Variants in PBX1 observed in about 807,000 individuals in gnomAD.
PBX1 encodes the protein PBX homeobox 1, also known as pre-B-cell leukemia transcription factor 1.
In PBX1, 6 loss-of-function variants were observed where a neutral mutation model predicts 53.4. The observed-to-expected ratio is 0.11, with a 90% CI of 0.06 to 0.22. The LOEUF is 0.22. PBX1 is among the 10% of genes least tolerant of loss of function. PBX1 has a pLI of 1.00. For synonymous variants in PBX1, 204 were observed against 212.3 expected, an observed-to-expected ratio of 0.96 and a Z score of 0.34; for missense variants, 251 against 551.4, an observed-to-expected ratio of 0.46 and a Z score of 5.46.
In PBX1 at chr1:164,792,621, A is replaced by AGCG. The variant is rs774278800; in HGVS notation, c.402_404dup (p.Ala135dup). 4.0e-5 allele frequency: 64 copies of AGCG among 1,613,632 alleles called. No homozygotes were observed. The highest frequency in any genetic ancestry group is 3.3e-4 in the Middle Eastern group (2 of 6,050). ...GCGGAGGGTCGGCGGCAGCGGCGGC[A>AGCG]GCGGCGGCGGCTTCTGGAGGGGCAG... On this transcript the variant is annotated inframe_insertion, in exon 3 of 9. Coordinates refer to ENST00000420696, the MANE Select transcript of PBX1 (RefSeq NM_002585.4).
chr1:164,623,272 G>T (rs528702473), intron 2 of PBX1, among the ~76,000 whole-genome samples: 2 of 152,304 alleles, frequency 1.3e-5, no homozygotes, highest in Middle Eastern at 3.4e-3. Flanking sequence ...TGTTAATAAA[G>T]GGCCTGATAG....
chr1:164,857,955 C>T (rs1672012871), intron 2 of PBX1, among the ~76,000 whole-genome samples: 1 of 152,180 alleles, frequency 6.6e-6, no homozygotes, highest in Non-Finnish European at 1.5e-5. Context: ...AGTGTGATTT[C>T]TCTAACATAT....
rs548884046 is a variant in PBX1, at chr1:164,847,291, G to C, written c.*615G>C. The C allele has an allele frequency of 5.7e-5, 61 of 1,065,530 alleles. No homozygotes were observed. In the African/African-American group the frequency reaches 9.5e-4, roughly 17 times the overall value. 66.0% of individuals were successfully genotyped at this position (1,065,530 alleles called of 1,614,324 possible). A position where few individuals can be genotyped will look rare whatever the true frequency, so the allele number is the denominator to read the frequency against. The stretch of plus-strand genomic sequence containing the variant: ...TTCCTCCTCTTCCTTCCTAGCCCCA[G>C]CTATTCACTGGGGACTGTCATAGCT... On this transcript the variant is annotated 3_prime_UTR_variant, in exon 9 of 9. Transcript: ENST00000420696.
Position 164,810,593 on chromosome 1 carries a change from C to T in PBX1, c.838-1397C>T, listed in dbSNP as rs534020960. On this transcript the variant is annotated intron_variant, in intron 5 of 8. Coordinates refer to ENST00000420696, the MANE Select transcript of PBX1 (RefSeq NM_002585.4). Reference sequence around the variant, plus strand: ...TGCAGTTATCTGAGAAAAAAAATCTCCTTACCTTTTTTCTTCTTTTCCTAT... The same window carrying T: ...TGCAGTTATCTGAGAAAAAAAATCTTCTTACCTTTTTTCTTCTTTTCCTAT... Among the ~76,000 whole-genome samples, 5 of 152,230 alleles carry T rather than the reference C, an allele frequency of 3.3e-5. No homozygotes were observed. In the East Asian group the frequency reaches 9.7e-4, roughly 29 times the overall value.
intron 2 of PBX1, among the ~76,000 whole-genome samples, chr1:164,713,895 A>T (rs936420607): frequency 6.6e-6 from 1 of 152,224 alleles, no homozygotes; most frequent in African/African-American, 2.4e-5. Flanking sequence ...GGAAGGGAAA[A>T]ATTAAATATA....
intron 2 of PBX1, among the ~76,000 whole-genome samples, chr1:164,736,044 C>T (rs1386333162): frequency 6.6e-6 from 1 of 152,212 alleles, no homozygotes; most frequent in South Asian, 2.1e-4. Flanking sequence ...GAATATCCTG[C>T]AAGTCAAAAC....
chr1:164,712,695 CA>C (rs1663866139), intron 2 of PBX1, among the ~76,000 whole-genome samples: 1 of 152,138 alleles, frequency 6.6e-6, no homozygotes, highest in Non-Finnish European at 1.5e-5. Context: ...GGGCTCCCTT[CA>C]AATGAGGGAA....
chr1:164,579,021 G>A (rs1352898170), intron 2 of PBX1, among the ~76,000 whole-genome samples: 1 of 145,236 alleles, frequency 6.9e-6, no homozygotes, highest in African/African-American at 2.5e-5. Flanking sequence ...TCCGTGGGAT[G>A]GCTGAAATTT....
intron 2 of PBX1, among the ~76,000 whole-genome samples, chr1:164,742,456 T>G (rs886571504): frequency 1.3e-5 from 2 of 152,046 alleles, no homozygotes; most frequent in Non-Finnish European, 2.9e-5. Flanking sequence ...GCAGGAGAAT[T>G]GCTTGAACCT....
rs1671710386 is a variant in PBX1 at position 164,849,203 on chromosome 1, T to C, written c.*2527T>C. ...CCAGATGTGGCCTGAATAATTGCCA[T>C]GTTAAGTTAATGCAAAAGATCAGAA... On this transcript the variant is annotated 3_prime_UTR_variant, in exon 9 of 9. Coordinates refer to ENST00000420696, the MANE Select transcript of PBX1 (RefSeq NM_002585.4). The C allele has an allele frequency of 6.9e-7, 1 of 1,444,790 alleles. No individual in the cohort carries two copies. The highest frequency in any genetic ancestry group is 9.1e-7 in the Non-Finnish European group (1 of 1,096,738). The allele number at this position is 1,444,790 out of a possible 1,614,324, so 89.5% of individuals were successfully genotyped here.
chr1:164,678,892 G>A (rs1661589685), intron 2 of PBX1, among the ~76,000 whole-genome samples: 1 of 152,104 alleles, frequency 6.6e-6, no homozygotes, highest in African/African-American at 2.4e-5. Flanking sequence ...GACCTGTGTG[G>A]AGGTGCAAGA....
At chr1:164,793,872 C>CTTTTTTTTTTTTTTTTTT (rs72414989) in intron 3 of PBX1, among the ~76,000 whole-genome samples, 8 of 78,218 alleles carry the variant, frequency 1.0e-4, no homozygotes, top group Non-Finnish European at 1.5e-4. Context: ...TTTTTCCTTT[C>CTTTTTTTTTTTTTTTTTT]TTTTTTTTTT....
chr1:164,820,220 C>A, intron 7 of PBX1, 36 bp downstream of exon 7: 1 of 1,174,174 alleles, frequency 8.5e-7, no homozygotes, highest in Non-Finnish European at 1.3e-6. Flanking sequence ...AGGTGAATGC[C>A]TTAGAGTCCA....
chr1:164,838,926 T>A (rs976748012), intron 8 of PBX1, among the ~76,000 whole-genome samples: 10 of 152,220 alleles, frequency 6.6e-5, no homozygotes, highest in Admixed American at 6.5e-5. Flanking sequence ...AATGGCTTGT[T>A]GTTGAATGAT....
intron 2 of PBX1, among the ~76,000 whole-genome samples, chr1:164,608,980 A>G (rs1656730340): frequency 6.6e-6 from 1 of 152,150 alleles, no homozygotes; most frequent in Non-Finnish European, 1.5e-5. Flanking sequence ...CTGAAATATA[A>G]AACATCTGCT....
intron 2 of PBX1, among the ~76,000 whole-genome samples, chr1:164,611,441 T>C (rs1656919517): frequency 6.6e-6 from 1 of 152,096 alleles, no homozygotes. Flanking sequence ...GGTTTCACCG[T>C]GTTAGCCAGG....
intron 2 of PBX1, among the ~76,000 whole-genome samples, chr1:164,668,852 C>T (rs1660962344): frequency 6.6e-6 from 1 of 152,112 alleles, no homozygotes; most frequent in Non-Finnish European, 1.5e-5. Flanking sequence ...GAGAGATTTG[C>T]GGAATCTGCG....
intron 2 of PBX1, among the ~76,000 whole-genome samples, chr1:164,790,106 C>A (rs955059311): frequency 6.6e-6 from 1 of 152,098 alleles, no homozygotes; most frequent in African/African-American, 2.4e-5. Context: ...TTGGATGCCC[C>A]GAGATTCTTT....
rs376686545 is a variant in PBX1, at chr1:164,812,200, T to C, written c.997+51T>C. 1.6e-5 allele frequency: 24 copies of C among 1,512,850 alleles called. 1 individual carries two copies. In the African/African-American group the frequency reaches 3.2e-4, roughly 20 times the overall value. 93.7% of individuals were successfully genotyped at this position (1,512,850 alleles called of 1,614,324 possible). On this transcript the variant is annotated intron_variant, in intron 6 of 8. Transcript: ENST00000420696. ...GGGGGAAGGAATTGTTCTCCATTTT[T>C]ATACTGGCTGTTCCTACATTGGGAT...
Sources: allele counts gnomAD v4.1 joint callset (sites outside exome capture counted in the v4.1 genomes callset), GRCh38; gene constraint gnomAD v4.1.1; transcripts MANE v1.5; gene names NCBI Gene and HGNC (gene_info 2026-07-23, HGNC 2026-07-21).